SIPA1L1: variants seen among roughly 807,000 people sequenced by gnomAD.
The protein encoded by SIPA1L1 is signal induced proliferation associated 1 like 1, also known as signal-induced proliferation-associated 1-like protein 1.
SIPA1L1 carries 26 observed loss-of-function variants against 162.7 expected under a neutral mutation model. The ratio of observed to expected loss-of-function variants is 0.16; its 90% CI spans 0.12 to 0.22. SIPA1L1 has a LOEUF of 0.22. Ranked by LOEUF, SIPA1L1 falls within the 10% of genes least tolerant of loss-of-function variation. The probability of loss-of-function intolerance (pLI) is 1.00; values close to 1 mark genes in which losing one functional copy is unlikely to be tolerated. For missense variants in SIPA1L1, 1,874 were observed against 2,241.0 expected (o/e 0.84, Z 3.31); for synonymous variants, 829 against 837.4 (o/e 0.99, Z 0.17).
At chr14:71,571,687 G>C (rs2032060492) in intron 4 of SIPA1L1, among the ~76,000 whole-genome samples, 1 of 151,942 alleles carries the variant, frequency 6.6e-6, no homozygotes, top group African/African-American at 2.4e-5. Flanking sequence ...TGTCACCCAG[G>C]CTGGAGTGCA....
At chr14:71,674,815 C>T (rs969985288) in intron 12 of SIPA1L1, among the ~76,000 whole-genome samples, 8 of 151,634 alleles carry the variant, frequency 5.3e-5, no homozygotes, top group African/African-American at 1.2e-4. Context: ...CCGCCCGCCT[C>T]GGCCTCCCAA....
intron 2 of SIPA1L1, among the ~76,000 whole-genome samples, chr14:71,510,557 G>A (rs2051062791): frequency 6.6e-6 from 1 of 152,060 alleles, no homozygotes. Flanking sequence ...CTGTGACATT[G>A]CTCATAAGAT....
intron 5 of SIPA1L1, among the ~76,000 whole-genome samples, chr14:71,596,256 A>G (rs2036014942): frequency 6.6e-6 from 1 of 152,230 alleles, no homozygotes; most frequent in Admixed American, 6.5e-5. Context: ...GAGAAGCATT[A>G]CTAGAGCATT....
chr14:71,597,553 G>A (rs1428090165), intron 5 of SIPA1L1, among the ~76,000 whole-genome samples: 1 of 152,130 alleles, frequency 6.6e-6, no homozygotes, highest in Non-Finnish European at 1.5e-5. Context: ...TTCTTACATA[G>A]GAGAAGTAGT....
At chr14:71,736,687 T>C (rs1454046944) in intron 22 of SIPA1L1, among the ~76,000 whole-genome samples, 1 of 152,128 alleles carries the variant, frequency 6.6e-6, no homozygotes, top group Non-Finnish European at 1.5e-5. Context: ...TAAAAATGCA[T>C]ATCCCAGAAG....
chr14:71,617,018 A>G (rs576268588), intron 5 of SIPA1L1, among the ~76,000 whole-genome samples: 1 of 152,062 alleles, frequency 6.6e-6, no homozygotes. Context: ...TGTGACTCAC[A>G]CTCTGATGCA....
intron 2 of SIPA1L1, among the ~76,000 whole-genome samples, chr14:71,371,721 A>G (rs1213837083): frequency 2.6e-5 from 4 of 152,164 alleles, no homozygotes; most frequent in African/African-American, 9.7e-5. Flanking sequence ...AGCATATTAA[A>G]ATATCTATTA....
chr14:71,622,786 C>T (rs907411213), intron 6 of SIPA1L1, among the ~76,000 whole-genome samples: 2 of 152,260 alleles, frequency 1.3e-5, no homozygotes, highest in East Asian at 1.9e-4. Context: ...GAGTATACAT[C>T]GTCCCCCTAC....
At chr14:71,705,486 GTTTCTGCTGC>G (rs2082373050) in intron 16 of SIPA1L1, 146 bp downstream of exon 16, 1 of 687,204 alleles carries the variant, frequency 1.5e-6, no homozygotes, top group South Asian at 1.8e-5. Flanking sequence ...TGGCCTTGCA[GTTTCTGCTGC>G]CATGGCCTTT....
At chr14:71,411,535 G>A (rs1449820031) in intron 2 of SIPA1L1, among the ~76,000 whole-genome samples, 1 of 152,122 alleles carries the variant, frequency 6.6e-6, no homozygotes, top group Non-Finnish European at 1.5e-5. Context: ...GATTTCACGG[G>A]CACCTTGAAT....
chr14:71,423,081 G>A (rs533825513), intron 2 of SIPA1L1, among the ~76,000 whole-genome samples: 1 of 152,128 alleles, frequency 6.6e-6, no homozygotes, highest in East Asian at 1.9e-4. Flanking sequence ...TAGTGATGTC[G>A]AACATTTTTT....
chr14:71,580,913 A>G (rs1253477255), intron 4 of SIPA1L1, among the ~76,000 whole-genome samples: 1 of 152,194 alleles, frequency 6.6e-6, no homozygotes, highest in Non-Finnish European at 1.5e-5. Context: ...ATTACTCATA[A>G]TCAAAAGACA....
intron 19 of SIPA1L1, among the ~76,000 whole-genome samples, chr14:71,725,537 C>T (rs893950307): frequency 6.6e-6 from 1 of 152,164 alleles, no homozygotes; most frequent in South Asian, 2.1e-4. Flanking sequence ...CCAGTGTGTA[C>T]GTTTTTGTGT....
intron 6 of SIPA1L1, among the ~76,000 whole-genome samples, chr14:71,622,214 G>C (rs1241933193): frequency 6.6e-6 from 1 of 152,198 alleles, no homozygotes; most frequent in Non-Finnish European, 1.5e-5. Flanking sequence ...TTTCATTTTA[G>C]TATAAATAAA....
chr14:71,717,194 G>A (rs1316026775), intron 17 of SIPA1L1, among the ~76,000 whole-genome samples: 1 of 152,136 alleles, frequency 6.6e-6, no homozygotes, highest in African/African-American at 2.4e-5. Flanking sequence ...CACTGCGCCC[G>A]ACCTCTTTTA....
At chr14:71,734,638 A>C (rs1457161327) in intron 21 of SIPA1L1, among the ~76,000 whole-genome samples, 1 of 152,154 alleles carries the variant, frequency 6.6e-6, no homozygotes. Context: ...GCAACCATGG[A>C]ATGGTCAGCA....
chr14:71,659,699 G>T (rs1390714777), intron 9 of SIPA1L1, among the ~76,000 whole-genome samples: 2 of 152,104 alleles, frequency 1.3e-5, no homozygotes, highest in African/African-American at 2.4e-5. Context: ...AGATTTGTAA[G>T]GGTAAAAAAT....
chr14:71,381,811 A>C (rs1208047052), intron 2 of SIPA1L1, among the ~76,000 whole-genome samples: 2 of 152,126 alleles, frequency 1.3e-5, no homozygotes, highest in Non-Finnish European at 2.9e-5. Context: ...CTTCTCTGTG[A>C]ATATATTTCT....
chr14:71,710,262 A>G (rs1227134438), intron 17 of SIPA1L1, among the ~76,000 whole-genome samples: 2 of 152,204 alleles, frequency 1.3e-5, no homozygotes, highest in Non-Finnish European at 2.9e-5. Flanking sequence ...GAAAGTACAC[A>G]TTCCCCTGTA....
Sources: allele counts gnomAD v4.1 joint callset (sites outside exome capture counted in the v4.1 genomes callset), GRCh38; gene constraint gnomAD v4.1.1; transcripts MANE v1.5; gene names NCBI Gene and HGNC (gene_info 2026-07-23, HGNC 2026-07-21).